The following ASIC2 variants were observed in gnomAD, a reference collection of about 807,000 sequenced individuals.
ASIC2 encodes the protein acid sensing ion channel subunit 2, also known as acid-sensing ion channel 2.
In ASIC2, 25 loss-of-function variants were observed where a neutral mutation model predicts 57.3. The observed-to-expected ratio is 0.44, with a 90% CI of 0.32 to 0.61. ASIC2 has a LOEUF of 0.61. Ranked by LOEUF, ASIC2 falls within the 20% of genes least tolerant of loss-of-function variation. The probability of loss-of-function intolerance (pLI) is 0.06; values close to 1 mark genes in which losing one functional copy is unlikely to be tolerated. For missense variants in ASIC2, 641 were observed against 738.1 expected (o/e 0.87, Z 1.52); for synonymous variants, 319 against 307.5 (o/e 1.04, Z -0.39).
chr17:34,134,672 G>T (rs78030592), intron 1 of ASIC2, among the ~76,000 whole-genome samples: 1 of 152,164 alleles, frequency 6.6e-6, no homozygotes, highest in African/African-American at 2.4e-5. Flanking sequence ...CTTTCTCAAT[G>T]CCAGTTTGCA....
intron 1 of ASIC2, chr17:33,828,075 T>C (rs750353224): frequency 6.6e-6 from 1 of 152,230 alleles, no homozygotes; most frequent in Admixed American, 6.5e-5. Flanking sequence ...TATGGCTGCA[T>C]GGTATTCCAT....
intron 1 of ASIC2, among the ~76,000 whole-genome samples, chr17:33,589,701 C>G (rs534282076): frequency 1.3e-5 from 2 of 152,180 alleles, no homozygotes; most frequent in Non-Finnish European, 2.9e-5. Flanking sequence ...TCAGTATTTC[C>G]TTCCTCTCAA....
At chr17:33,411,076 A>G (rs1249050526) in intron 1 of ASIC2, among the ~76,000 whole-genome samples, 1 of 152,238 alleles carries the variant, frequency 6.6e-6, no homozygotes, top group African/African-American at 2.4e-5. Context: ...GTGAAAGAAT[A>G]TGTGAATTAT....
At chr17:33,602,301 G>A (rs139300279) in intron 1 of ASIC2, among the ~76,000 whole-genome samples, 5 of 152,154 alleles carry the variant, frequency 3.3e-5, no homozygotes, top group African/African-American at 1.2e-4. Context: ...TTAATGCAAC[G>A]GTGTTGAGAG....
intron 1 of ASIC2, among the ~76,000 whole-genome samples, chr17:33,555,217 C>A (rs988529249): frequency 5.9e-5 from 9 of 152,178 alleles, no homozygotes; most frequent in Non-Finnish European, 1.3e-4. Flanking sequence ...TAGTGCCCTC[C>A]TAGCTAGGTC....
rs2091942068 is a variant in ASIC2, at chr17:33,044,261, C to CCAT, written c.988-15870_988-15869insATG. The stretch of plus-strand genomic sequence containing the variant: ...ATCTGTCCATCTGTTCATCCATCTA[C>CCAT]CCATCCATCCATCCATCCATCCATC... On this transcript the variant is annotated intron_variant, in intron 3 of 9. Transcript: ENST00000225823. Among the ~76,000 whole-genome samples the CCAT allele has an allele frequency of 4.5e-3, 616 of 137,732 alleles. 3 individuals are homozygous for CCAT. The highest frequency in any genetic ancestry group is 0.013 in the African/African-American group (467 of 37,330). 90.4% of individuals were successfully genotyped at this position (137,732 alleles called of 152,430 possible).
chr17:33,771,177 G>A (rs1411723906), intron 1 of ASIC2, among the ~76,000 whole-genome samples: 8 of 152,292 alleles, frequency 5.3e-5, no homozygotes, highest in South Asian at 2.1e-4. Flanking sequence ...CCCTTAGCTC[G>A]TTCTGGTGTG....
intron 1 of ASIC2, among the ~76,000 whole-genome samples, chr17:33,974,389 C>A (rs140710510): frequency 3.9e-4 from 60 of 152,276 alleles, no homozygotes; most frequent in African/African-American, 1.4e-3. Flanking sequence ...TATGTGTGTA[C>A]AACCTCAGCT....
intron 3 of ASIC2, among the ~76,000 whole-genome samples, chr17:33,081,584 C>T (rs1196173513): frequency 6.6e-6 from 1 of 152,056 alleles, no homozygotes; most frequent in Non-Finnish European, 1.5e-5. Flanking sequence ...ACTGGGCAAG[C>T]TTCCATTTCT....
Position 33,476,706 on chromosome 17 carries a change from G to A in ASIC2, c.556-364639C>T, listed in dbSNP as rs112375601. On this transcript the variant is annotated intron_variant, in intron 1 of 9. Transcript: ENST00000359872. ...TGCTTGCTACCCTCAGGGACAAATCGTTCATGTGTCCCTGTGGGAGGCCCA... is the reference window on the plus strand; with the variant it reads ...TGCTTGCTACCCTCAGGGACAAATCATTCATGTGTCCCTGTGGGAGGCCCA... 6.4e-3 allele frequency among the ~76,000 whole-genome samples: 968 copies of A among 151,912 alleles called. 9 individuals are homozygous for A. Among genetic ancestry groups the A allele is most frequent in the African/African-American group, 0.022 (930 of 41,418 alleles).
chr17:33,642,673 C>G (rs1906614129), intron 1 of ASIC2, among the ~76,000 whole-genome samples: 1 of 152,166 alleles, frequency 6.6e-6, no homozygotes, highest in African/African-American at 2.4e-5. Flanking sequence ...TTTCAGTTAT[C>G]TTTTGAATAG....
chr17:33,623,382 C>T (rs968324963), intron 1 of ASIC2: 1 of 152,144 alleles, frequency 6.6e-6, no homozygotes, highest in Non-Finnish European at 1.5e-5. Flanking sequence ...GACTCAGCCT[C>T]CTAAGTAGCT....
chr17:33,437,145 G>A (rs989681502), intron 1 of ASIC2, among the ~76,000 whole-genome samples: 13 of 151,962 alleles, frequency 8.6e-5, no homozygotes, highest in Middle Eastern at 3.4e-3. Flanking sequence ...GATTACAGGC[G>A]TGAGCCACCG....
At chr17:33,263,643 T>C (rs1909362684) in intron 1 of ASIC2, among the ~76,000 whole-genome samples, 1 of 126,306 alleles carries the variant, frequency 7.9e-6, no homozygotes, top group East Asian at 3.0e-4. Context: ...TGGCCTTCAG[T>C]GAAGGCCATT....
chr17:33,881,188 T>G (rs758924002), intron 1 of ASIC2, among the ~76,000 whole-genome samples: 46 of 152,204 alleles, frequency 3.0e-4, no homozygotes, highest in Admixed American at 9.2e-4. Flanking sequence ...GCATTCCCTT[T>G]GAAAACTGGC....
intron 1 of ASIC2, among the ~76,000 whole-genome samples, chr17:33,208,392 C>A (rs1478166501): frequency 6.6e-6 from 1 of 152,148 alleles, no homozygotes; most frequent in African/African-American, 2.4e-5. Flanking sequence ...CCTCCCCAAC[C>A]CATCCCAGAC....
intron 1 of ASIC2, among the ~76,000 whole-genome samples, chr17:34,012,018 C>T (rs910896110): frequency 1.3e-5 from 2 of 152,168 alleles, no homozygotes; most frequent in African/African-American, 4.8e-5. Context: ...AACTTACCAA[C>T]TTTTCTCTGT....
intron 1 of ASIC2, among the ~76,000 whole-genome samples, chr17:33,579,650 C>G (rs1904337729): frequency 2.0e-5 from 3 of 151,868 alleles, no homozygotes. Context: ...TTTCTTCCTT[C>G]TGGTGGGCTC....
At chr17:34,112,760 T>A (rs1911313740) in intron 1 of ASIC2, among the ~76,000 whole-genome samples, 1 of 152,160 alleles carries the variant, frequency 6.6e-6, no homozygotes, top group African/African-American at 2.4e-5. Flanking sequence ...ACGTTCTCAC[T>A]CCATAAGACA....
Sources: gnomAD v4.1 joint callset for allele counts (sites outside exome capture counted in the v4.1 genomes callset) on GRCh38, gnomAD v4.1.1 for gene constraint, MANE v1.5 for transcripts, NCBI Gene and HGNC (gene_info 2026-07-23, HGNC 2026-07-21) for gene names.